The following RASA4B variants were observed in gnomAD, a reference collection of about 807,000 sequenced individuals.
RASA4B encodes RAS p21 protein activator 4B.
In RASA4B, 2 loss-of-function variants were observed where a neutral mutation model predicts 24.2. That is an observed-to-expected ratio of 0.08 (90% CI 0.03 to 0.26). RASA4B has a LOEUF of 0.26. Ranked by LOEUF, RASA4B falls within the 10% of genes least tolerant of loss-of-function variation. The pLI is 1.00. For missense variants in RASA4B, 8 were observed against 277.2 expected, an observed-to-expected ratio of 0.03 and a Z score of 6.90; for synonymous variants, 2 against 125.6, an observed-to-expected ratio of 0.02 and a Z score of 6.58.
At chr7:102,498,822 C>T (rs1378024981) in intron 8 of RASA4B, among the ~76,000 whole-genome samples, 7 of 102,626 alleles carry the variant, frequency 6.8e-5, no homozygotes, top group Admixed American at 5.7e-4. Flanking sequence ...TGAGTCACCA[C>T]GCCCAGCGGT....
intron 5 of RASA4B, among the ~76,000 whole-genome samples, chr7:102,504,701 CAA>C (rs374923276): frequency 5.0e-4 from 54 of 108,404 alleles, no homozygotes; most frequent in African/African-American, 5.3e-4. Flanking sequence ...AAAAACCCAC[CAA>C]AAAAAAAAAA....
At position 102,484,751 on chromosome 7, in the gene RASA4B, G is replaced by C. The variant is rs572953429; in HGVS notation, c.2225+288C>G. ...TGAGAACCACTGGACGAAGCAAGAT[G>C]GCCAGGGAACTCAGGGAATTGGCTG... On this transcript the variant is annotated intron_variant, in intron 19 of 20. Transcript: ENST00000465829. Among the ~76,000 whole-genome samples the C allele has an allele frequency of 3.9e-4, 59 of 149,640 alleles. No homozygotes were observed. The South Asian group carries it at 0.012, about 30-fold the overall frequency.
At chr7:102,502,696 C>A (rs1366656144) in intron 6 of RASA4B, among the ~76,000 whole-genome samples, 422 of 127,638 alleles carry the variant, frequency 3.3e-3, no homozygotes, top group African/African-American at 0.01. Flanking sequence ...GAAGGCAGAG[C>A]CTGCAGTGAG....
intron 6 of RASA4B, among the ~76,000 whole-genome samples, chr7:102,502,574 C>T (rs1799358205): frequency 3.3e-5 from 3 of 91,900 alleles, no homozygotes; most frequent in South Asian, 6.7e-4. Flanking sequence ...GCCTGGCCAA[C>T]ATGGTGAAAC....
At chr7:102,504,715 A>C (rs1186923631) in intron 5 of RASA4B, among the ~76,000 whole-genome samples, 2 of 131,926 alleles carry the variant, frequency 1.5e-5, no homozygotes, top group Non-Finnish European at 3.2e-5. Flanking sequence ...AAAAAAAAAA[A>C]CAGCCCGGGT....
Position 102,480,319 on chromosome 7 carries a change from T to C in RASA4B, c.*3273A>G, listed in dbSNP as rs1586755442. Among the ~76,000 whole-genome samples, 3 of 151,948 alleles carry C rather than the reference T, an allele frequency of 2.0e-5. No homozygotes were observed. The highest frequency in any genetic ancestry group is 4.2e-4 in the South Asian group (2 of 4,800). On this transcript the variant is annotated 3_prime_UTR_variant, in exon 21 of 21. Coordinates refer to ENST00000465829, the MANE Select transcript of RASA4B (RefSeq NM_001367767.2). ...GGTGGTGATCAGGGGGACCCATGCT[T>C]CTGCTCAGGGGGTTGGCAGAAGCCA...
At chr7:102,491,767 C>CAA (rs59999871) in intron 16 of RASA4B, among the ~76,000 whole-genome samples, 1,112 of 53,410 alleles carry the variant, frequency 0.021, 12 homozygotes, top group South Asian at 0.041. Flanking sequence ...AACTCCATCT[C>CAA]AAAAAAAAAA....
At chr7:102,499,191 A>AGTATAT (rs1554583910) in intron 8 of RASA4B, among the ~76,000 whole-genome samples, 1 of 86,246 alleles carries the variant, frequency 1.2e-5, no homozygotes, top group Non-Finnish European at 3.0e-5. Flanking sequence ...GCTCAAAAAA[A>AGTATAT]AAATATATAT....
At chr7:102,492,768 G>A (rs539094537) in intron 16 of RASA4B, among the ~76,000 whole-genome samples, 8 of 83,430 alleles carry the variant, frequency 9.6e-5, no homozygotes, top group Admixed American at 3.5e-4. Context: ...AGGTTCAAGC[G>A]ATTCCCGTGC....
In RASA4B at chr7:102,496,826, ACCCTG is replaced by A; in HGVS notation, c.855+16_855+20del. ...AGGCCTACTGCCACTGGACCCTCCC[ACCCTG>A]CCCAGGCCCCCTCACCTGCATGCCC... On this transcript the variant is annotated intron_variant, in intron 9 of 20. Coordinates refer to ENST00000465829, the MANE Select transcript of RASA4B (RefSeq NM_001367767.2). The A allele has an allele frequency of 3.5e-6, 2 of 563,980 alleles. No homozygotes were observed. Among genetic ancestry groups the A allele is most frequent in the Non-Finnish European group, 6.7e-6 (2 of 297,800 alleles). The allele number at this position is 563,980 out of a possible 1,614,324, so 34.9% of individuals were successfully genotyped here.
At chr7:102,497,260 C>T (rs1386446748) in intron 8 of RASA4B, among the ~76,000 whole-genome samples, 4 of 151,602 alleles carry the variant, frequency 2.6e-5, no homozygotes, top group East Asian at 3.9e-4. Flanking sequence ...AATCGATCAA[C>T]TCCCAGATAA....
intron 4 of RASA4B, among the ~76,000 whole-genome samples, chr7:102,507,410 TC>T (rs1417277918): frequency 2.4e-5 from 1 of 41,280 alleles, no homozygotes; most frequent in Admixed American, 3.3e-4. Flanking sequence ...AGAGTGGCCC[TC>T]CCCTAGGGCT....
intron 17 of RASA4B, among the ~76,000 whole-genome samples, chr7:102,490,728 C>G (rs1475115550): frequency 1.3e-5 from 2 of 151,542 alleles, no homozygotes; most frequent in Non-Finnish European, 2.9e-5. Context: ...CCCACAGCAG[C>G]CAGGCCACTC....
At chr7:102,506,332 C>T (rs1450072888) in intron 5 of RASA4B, among the ~76,000 whole-genome samples, 29 of 152,096 alleles carry the variant, frequency 1.9e-4, no homozygotes, top group Admixed American at 3.3e-4. Flanking sequence ...CTCACTGCAA[C>T]CTCTGCCTCC....
chr7:102,495,611 C>CCAAG (rs1410616429), intron 11 of RASA4B, among the ~76,000 whole-genome samples: 1 of 9,948 alleles, frequency 1.0e-4, no homozygotes, highest in Admixed American at 1.6e-3. Flanking sequence ...CTTTGGGAGG[C>CCAAG]CAAGGCAGGA....
chr7:102,509,114 T>TTAAAA (rs59233460), intron 4 of RASA4B, among the ~76,000 whole-genome samples: 1 of 88,386 alleles, frequency 1.1e-5, no homozygotes, highest in African/African-American at 4.0e-5. Flanking sequence ...GCCTTTTTTT[T>TTAAAA]AAAAAAAAAC....
At position 102,487,138 on chromosome 7, in the gene RASA4B, T is replaced by A. The variant is rs1338966529; in HGVS notation, c.2104+1325A>T. ...ACCCCACCTCTAAAACAATTTTTTT[T>A]AAATGAGCCAGGTGTGGTGATGCAT... On this transcript the variant is annotated intron_variant, in intron 18 of 20. Transcript: ENST00000465829. 6.7e-5 allele frequency among the ~76,000 whole-genome samples: 4 copies of A among 59,392 alleles called. 1 individual carries two copies. The highest frequency in any genetic ancestry group is 8.6e-5 in the Non-Finnish European group (2 of 23,196). The allele number at this position is 59,392 out of a possible 152,430, so 39.0% of individuals were successfully genotyped here.
intron 19 of RASA4B, among the ~76,000 whole-genome samples, chr7:102,484,611 A>C (rs1798644233): frequency 8.3e-6 from 1 of 120,540 alleles, no homozygotes; most frequent in African/African-American, 2.7e-5. Flanking sequence ...GATCACCTTG[A>C]AGTATCCTGG....
At chr7:102,492,988 A>AC (rs1157564664) in intron 16 of RASA4B, 128 bp downstream of exon 16, 1 of 363,078 alleles carries the variant, frequency 2.8e-6, no homozygotes, top group East Asian at 6.8e-5. Context: ...GACAAGCAGT[A>AC]CAGATGCCAC....
Sources: allele counts gnomAD v4.1 joint callset (sites outside exome capture counted in the v4.1 genomes callset), GRCh38; gene constraint gnomAD v4.1.1; transcripts MANE v1.5; gene names NCBI Gene and HGNC (gene_info 2026-07-23, HGNC 2026-07-21).